The following AKAP6 variants were observed in gnomAD, a reference collection of about 807,000 sequenced individuals.
The protein encoded by AKAP6 is A-kinase anchor protein 6.
Under a neutral mutation model 188.5 loss-of-function variants are expected in AKAP6, and 58 were observed. The observed-to-expected ratio is 0.31, with a 90% CI of 0.25 to 0.38. AKAP6 has a LOEUF of 0.38. AKAP6 is among the 10% of genes least tolerant of loss of function. The probability of loss-of-function intolerance (pLI) is 1.00; values close to 1 mark genes in which losing one functional copy is unlikely to be tolerated. For missense variants in AKAP6, 2,710 were observed against 2,740.0 expected (o/e 0.99, Z 0.24); for synonymous variants, 989 against 998.6 (o/e 0.99, Z 0.18).
intron 4 of AKAP6, among the ~76,000 whole-genome samples, chr14:32,571,277 G>T (rs1884474579): frequency 6.6e-6 from 1 of 151,104 alleles, no homozygotes; most frequent in African/African-American, 2.4e-5. Context: ...TGATACCTTT[G>T]CTTTGGGAGG....
At chr14:32,502,867 G>C (rs963586946) in intron 2 of AKAP6, among the ~76,000 whole-genome samples, 1 of 151,960 alleles carries the variant, frequency 6.6e-6, no homozygotes, top group East Asian at 1.9e-4. Flanking sequence ...CCAATCTTTG[G>C]ATATTACAAA....
chr14:32,396,812 A>G (rs909982372), intron 1 of AKAP6, among the ~76,000 whole-genome samples: 1 of 152,168 alleles, frequency 6.6e-6, no homozygotes, highest in African/African-American at 2.4e-5. Flanking sequence ...GATTAGGTCA[A>G]CCATAGAACT....
chr14:32,782,875 A>ATT (rs553004848), intron 12 of AKAP6, among the ~76,000 whole-genome samples: 2 of 149,118 alleles, frequency 1.3e-5, no homozygotes, highest in African/African-American at 2.5e-5. Flanking sequence ...AATCTCTGTG[A>ATT]TTTTTTTTTT....
chr14:32,494,017 T>G (rs554987993), intron 2 of AKAP6, among the ~76,000 whole-genome samples: 1 of 152,278 alleles, frequency 6.6e-6, no homozygotes, highest in African/African-American at 2.4e-5. Flanking sequence ...GAGAGAGTGG[T>G]AGCCAAGGAA....
At chr14:32,726,116 C>T (rs1324722372) in intron 9 of AKAP6, 6 of 889,602 alleles carry the variant, frequency 6.7e-6, no homozygotes, top group Non-Finnish European at 8.1e-6. Flanking sequence ...TTCTAGTTCC[C>T]ACACTAGAAA....
At chr14:32,397,377 CTTTTT>C (rs60314050) in intron 1 of AKAP6, among the ~76,000 whole-genome samples, 1 of 130,332 alleles carries the variant, frequency 7.7e-6, no homozygotes. Flanking sequence ...TTTTTATTGT[CTTTTT>C]TTTTTTTTTT....
chr14:32,682,995 C>CTTTTTTTTTTTTTGTTTTTTTTTTTTT (rs71115090), intron 8 of AKAP6, among the ~76,000 whole-genome samples: 3 of 142,258 alleles, frequency 2.1e-5, no homozygotes, highest in African/African-American at 5.3e-5. Context: ...TTTTTTCTTC[C>CTTTTTTTTTTTTTGTTTTTTTTTTTTT]TTTTTTTTTT....
At chr14:32,517,681 A>AAACAAAG (rs1314278595) in intron 2 of AKAP6, among the ~76,000 whole-genome samples, 2 of 152,206 alleles carry the variant, frequency 1.3e-5, no homozygotes, top group African/African-American at 4.8e-5. Flanking sequence ...TTGAGTAGGT[A>AAACAAAG]AACAAAGCAG....
Position 32,714,065 on chromosome 14 carries a change from A to G in AKAP6, c.3000+17955A>G, listed in dbSNP as rs527764170. 6.6e-5 allele frequency among the ~76,000 whole-genome samples: 10 copies of G among 152,086 alleles called. No homozygotes were observed. In the South Asian group the frequency reaches 1.7e-3, roughly 25 times the overall value. On this transcript the variant is annotated intron_variant, in intron 9 of 13. Coordinates refer to ENST00000280979, the MANE Select transcript of AKAP6 (RefSeq NM_004274.5). ...AGGATTATTACTTGGCCGCATTTCA[A>G]TATTGTTGTGTCTCAAGGAATAGGA...
chr14:32,545,584 A>T lies in AKAP6; in HGVS notation c.931A>T (p.Asn311Tyr). The T allele has an allele frequency of 6.2e-7, 1 of 1,614,190 alleles. No individual in the cohort carries two copies. The highest frequency in any genetic ancestry group is 8.5e-7 in the Non-Finnish European group (1 of 1,180,018). Residue 311 changes from asparagine to tyrosine, a missense_variant, in exon 4 of 14, where the codon AAT becomes TAT. Transcript: ENST00000280979. ...CGACAAAGGTGGATGTGAGGAAGACAATGCTTCTGCAGTCGAAGAGCAACC... is the reference window on the plus strand; with the variant it reads ...CGACAAAGGTGGATGTGAGGAAGACTATGCTTCTGCAGTCGAAGAGCAACC... Reference protein sequence around the residue: ...VDDKGGCEEDNASAVEEQPGL... With the variant: ...VDDKGGCEEDYASAVEEQPGL...
intron 5 of AKAP6, among the ~76,000 whole-genome samples, chr14:32,597,374 A>C (rs1182336642): frequency 6.6e-6 from 1 of 152,096 alleles, no homozygotes; most frequent in Non-Finnish European, 1.5e-5. Flanking sequence ...GTTTCTTCCT[A>C]AATATTGGTG....
intron 1 of AKAP6, among the ~76,000 whole-genome samples, chr14:32,344,384 G>A (rs1403775822): frequency 2.0e-5 from 3 of 152,212 alleles, no homozygotes; most frequent in Non-Finnish European, 4.4e-5. Context: ...ATACGTAGCT[G>A]AGCAAGATAA....
chr14:32,596,625 A>G (rs1885715195), intron 5 of AKAP6, among the ~76,000 whole-genome samples: 1 of 152,168 alleles, frequency 6.6e-6, no homozygotes, highest in Admixed American at 6.5e-5. Context: ...CCATAGGACC[A>G]TGGTACGTGC....
At chr14:32,644,239 A>G (rs1291563879) in intron 7 of AKAP6, among the ~76,000 whole-genome samples, 3 of 152,216 alleles carry the variant, frequency 2.0e-5, no homozygotes, top group Non-Finnish European at 4.4e-5. Flanking sequence ...AGTTGGAGTT[A>G]TTCTTCAGGA....
chr14:32,363,412 A>G (rs1479344244), intron 1 of AKAP6, among the ~76,000 whole-genome samples: 1 of 152,210 alleles, frequency 6.6e-6, no homozygotes, highest in Non-Finnish European at 1.5e-5. Context: ...AAGTCCCACA[A>G]TAGGCTGTCT....
Position 32,616,961 on chromosome 14 carries a change from C to T in AKAP6, c.2730+16169C>T, listed in dbSNP as rs776813347. On this transcript the variant is annotated intron_variant, in intron 7 of 13. Transcript: ENST00000280979. ...TTTGCCCTTTGCTCACTGTCCCCTG[C>T]GACTTTTGTAGCCCTCCCTATCTCT... is the stretch of plus-strand genomic sequence containing the variant. 5.3e-5 allele frequency: 8 copies of T among 152,310 alleles called. No individual in the cohort carries two copies. The South Asian group carries it at 1.0e-3, about 20-fold the overall frequency. 9.4% of individuals were successfully genotyped at this position (152,310 alleles called of 1,614,324 possible).
At chr14:32,820,837 G>A (rs950327289) in intron 12 of AKAP6, among the ~76,000 whole-genome samples, 24 of 152,130 alleles carry the variant, frequency 1.6e-4, no homozygotes, top group African/African-American at 5.6e-4. Context: ...AGAGGAAGGG[G>A]GGGTACACAG....
chr14:32,797,045 C>G (rs1007649431), intron 12 of AKAP6, among the ~76,000 whole-genome samples: 1 of 152,176 alleles, frequency 6.6e-6, no homozygotes, highest in African/African-American at 2.4e-5. Context: ...CATCACTGAT[C>G]ATTAGAGAAA....
At chr14:32,708,206 G>T (rs896082480) in intron 9 of AKAP6, among the ~76,000 whole-genome samples, 1 of 152,104 alleles carries the variant, frequency 6.6e-6, no homozygotes, top group Non-Finnish European at 1.5e-5. Flanking sequence ...AGCACAATTT[G>T]TACTTGTACC....
Sources: gnomAD v4.1 joint callset for allele counts (sites outside exome capture counted in the v4.1 genomes callset) on GRCh38, gnomAD v4.1.1 for gene constraint, MANE v1.5 for transcripts, NCBI Gene and HGNC (gene_info 2026-07-23, HGNC 2026-07-21) for gene names.